TPTE2: variants seen among roughly 807,000 people sequenced by gnomAD.
The protein encoded by TPTE2 is transmembrane phosphoinositide 3-phosphatase and tensin homolog 2, also known as phosphatidylinositol 3,4,5-trisphosphate 3-phosphatase TPTE2.
Under a neutral mutation model 78.6 loss-of-function variants are expected in TPTE2, and 53 were observed. That is an observed-to-expected ratio of 0.67 (90% CI 0.54 to 0.85). The LOEUF (loss-of-function observed/expected upper bound fraction) is 0.85. Ranked by LOEUF, TPTE2 falls within the 40% of genes least tolerant of loss-of-function variation. The probability of loss-of-function intolerance (pLI) is 0.00; values close to 1 mark genes in which losing one functional copy is unlikely to be tolerated. For synonymous variants in TPTE2, 175 were observed against 206.2 expected, an observed-to-expected ratio of 0.85 and a Z score of 1.30; for missense variants, 461 against 623.0, an observed-to-expected ratio of 0.74 and a Z score of 2.77.
At chr13:19,541,911 T>C in the TPTE2 span, among the ~76,000 whole-genome samples, 1 of 152,182 alleles carries the variant, frequency 6.6e-6, no homozygotes, top group Non-Finnish European at 1.5e-5. Context: ...AATTATTTTT[T>C]TCCTGAATGT....
intron 1 of TPTE2, among the ~76,000 whole-genome samples, chr13:19,495,299 T>C (rs1300788128): frequency 6.6e-6 from 1 of 152,104 alleles, no homozygotes; most frequent in East Asian, 1.9e-4. Context: ...GGGGGTGAAA[T>C]AATTCCAGGG....
At chr13:19,424,968 G>A (rs541254039) in exon 19 of TPTE2, 40 of 1,536,742 alleles carry the variant, frequency 2.6e-5, no homozygotes, top group Middle Eastern at 3.4e-4. Flanking sequence ...AATAAAAGAC[G>A]TGTTGAACCA....
At chr13:19,521,387 CTTTA>C (rs1256548770) in intron 1 of TPTE2, among the ~76,000 whole-genome samples, 3 of 150,862 alleles carry the variant, frequency 2.0e-5, no homozygotes, top group South Asian at 2.1e-4. Context: ...GATTCCATCT[CTTTA>C]TTTAGTTAGT....
At chr13:19,560,496 T>G in the TPTE2 span, 87 of 1,590,840 alleles carry the variant, frequency 5.5e-5, no homozygotes, top group African/African-American at 1.1e-4. Flanking sequence ...CCATTCATAC[T>G]CTCTGCAGTA....
intron 11 of TPTE2, among the ~76,000 whole-genome samples, chr13:19,450,624 T>C (rs1438722442): frequency 6.6e-6 from 1 of 152,174 alleles, no homozygotes; most frequent in East Asian, 1.9e-4. Flanking sequence ...TCAGGGTAGT[T>C]AGAAACCACA....
intron 10 of TPTE2, among the ~76,000 whole-genome samples, chr13:19,457,763 G>T (rs1390611121): frequency 6.6e-6 from 1 of 151,566 alleles, no homozygotes; most frequent in Non-Finnish European, 1.5e-5. Flanking sequence ...TTCTTTTTTT[G>T]TTGTTGTTTT....
chr13:19,442,393 C>T (rs1409047656), intron 13 of TPTE2, among the ~76,000 whole-genome samples: 1 of 149,778 alleles, frequency 6.7e-6, no homozygotes. Context: ...AATAAAAACA[C>T]TACAAATAAA....
chr13:19,494,976 G>A (rs939285859), intron 1 of TPTE2, among the ~76,000 whole-genome samples: 1 of 152,174 alleles, frequency 6.6e-6, no homozygotes, highest in African/African-American at 2.4e-5. Context: ...CCAACAGTGA[G>A]CATTTTAGGC....
intron 1 of TPTE2, among the ~76,000 whole-genome samples, chr13:19,510,826 A>G (rs549224243): frequency 1.3e-5 from 2 of 152,246 alleles, no homozygotes; most frequent in Admixed American, 6.5e-5. Flanking sequence ...TGAATGGACC[A>G]TTACAGAAGA....
chr13:19,470,072 A>G (rs1252540987), intron 6 of TPTE2, among the ~76,000 whole-genome samples: 1 of 152,176 alleles, frequency 6.6e-6, no homozygotes, highest in Non-Finnish European at 1.5e-5. Context: ...ATGTTGAACA[A>G]CAGTGGTAAA....
At chr13:19,433,358 G>A (rs1876819586) in intron 15 of TPTE2, among the ~76,000 whole-genome samples, 1 of 152,098 alleles carries the variant, frequency 6.6e-6, no homozygotes. Flanking sequence ...ACAAAAATAG[G>A]CCATGCGTAG....
intron 1 of TPTE2, among the ~76,000 whole-genome samples, chr13:19,520,619 T>A (rs1030661085): frequency 3.3e-5 from 5 of 151,944 alleles, no homozygotes; most frequent in Admixed American, 2.0e-4. Flanking sequence ...CTAACATTTA[T>A]TATATCCTTG....
intron 17 of TPTE2, among the ~76,000 whole-genome samples, chr13:19,429,190 T>C (rs1218753746): frequency 2.0e-5 from 3 of 152,318 alleles, no homozygotes; most frequent in African/African-American, 7.2e-5. Flanking sequence ...TCAGGATGCA[T>C]AGTTCAGGAT....
At chr13:19,442,540 T>C (rs1344757156) in intron 13 of TPTE2, among the ~76,000 whole-genome samples, 1 of 149,798 alleles carries the variant, frequency 6.7e-6, no homozygotes, top group Admixed American at 6.7e-5. Flanking sequence ...ACCCAAGGAG[T>C]ACAGAAGAAA....
chr13:19,487,610 C>G (rs534348748), intron 3 of TPTE2, among the ~76,000 whole-genome samples: 1 of 152,236 alleles, frequency 6.6e-6, no homozygotes, highest in South Asian at 2.1e-4. Context: ...TTTCCCTGCT[C>G]TGCATTACTT....
At chr13:19,514,727 T>A (rs1869693239) in intron 1 of TPTE2, among the ~76,000 whole-genome samples, 1 of 152,022 alleles carries the variant, frequency 6.6e-6, no homozygotes, top group Non-Finnish European at 1.5e-5. Flanking sequence ...CCGGTCACCC[T>A]TGGTAGGAAA....
chr13:19,465,476 T>A (rs1398206849), exon 8 of TPTE2: 11 of 1,608,950 alleles, frequency 6.8e-6, no homozygotes, highest in Non-Finnish European at 9.3e-6. Flanking sequence ...AGCCTTCTCA[T>A]CAGCTTTTCA....
chr13:19,423,004 C>G, exon 20 of TPTE2: 6 of 1,593,534 alleles, frequency 3.8e-6, no homozygotes, highest in Non-Finnish European at 1.7e-6. Context: ...ATAATTCTTT[C>G]CCAGAAGGGG....
chr13:19,443,784 G>C (rs185143746), intron 13 of TPTE2, among the ~76,000 whole-genome samples: 1 of 127,560 alleles, frequency 7.8e-6, no homozygotes, highest in Non-Finnish European at 1.7e-5. Context: ...ACACACAGTC[G>C]TTAAGCAATT....
Sources: gnomAD v4.1 joint callset for allele counts (sites outside exome capture counted in the v4.1 genomes callset) on GRCh38, gnomAD v4.1.1 for gene constraint, MANE v1.5 for transcripts, NCBI Gene and HGNC (gene_info 2026-07-23, HGNC 2026-07-21) for gene names.